Variants in FGF14 observed in about 807,000 individuals in gnomAD.
FGF14 encodes fibroblast growth factor homologous factor 4.
In FGF14, 5 loss-of-function variants were observed where a neutral mutation model predicts 25.5. The observed-to-expected ratio is 0.20, with a 90% CI of 0.10 to 0.41. FGF14 has a LOEUF of 0.41. Ranked by LOEUF, FGF14 falls within the 10% of genes least tolerant of loss-of-function variation. The pLI is 1.00. For synonymous variants in FGF14, 138 were observed against 118.3 expected (o/e 1.17, Z -1.08); for missense variants, 222 against 320.1 (o/e 0.69, Z 2.34).
intron 1 of FGF14, among the ~76,000 whole-genome samples, chr13:102,327,289 G>T (rs748849240): frequency 6.6e-6 from 1 of 152,140 alleles, no homozygotes; most frequent in African/African-American, 2.4e-5. Context: ...AGGATCCAAG[G>T]TGACTTGGCA....
intron 1 of FGF14, among the ~76,000 whole-genome samples, chr13:102,201,946 G>A (rs2049673398): frequency 6.6e-6 from 1 of 152,136 alleles, no homozygotes; most frequent in African/African-American, 2.4e-5. Context: ...CCTGGTGGGA[G>A]GTGATGGGAT....
chr13:101,817,635 G>T (rs984553309), intron 3 of FGF14, among the ~76,000 whole-genome samples: 24 of 151,966 alleles, frequency 1.6e-4, no homozygotes, highest in African/African-American at 5.6e-4. Context: ...CCTTTAACTG[G>T]TGAAAAGTTG....
At chr13:102,321,118 C>T (rs1015375316) in intron 1 of FGF14, among the ~76,000 whole-genome samples, 1 of 152,238 alleles carries the variant, frequency 6.6e-6, no homozygotes. Flanking sequence ...GAGGCCAGAC[C>T]ACAGTGTCTC....
At chr13:101,910,644 C>A (rs564459481) in intron 1 of FGF14, among the ~76,000 whole-genome samples, 2 of 152,094 alleles carry the variant, frequency 1.3e-5, no homozygotes, top group East Asian at 3.9e-4. Context: ...TGCATTTCTA[C>A]GCATGCCTAC....
intron 1 of FGF14, among the ~76,000 whole-genome samples, chr13:102,075,394 A>G (rs2043318440): frequency 6.6e-6 from 1 of 152,198 alleles, no homozygotes; most frequent in South Asian, 2.1e-4. Flanking sequence ...CATACAAGAC[A>G]GTGGCCCTAT....
intron 1 of FGF14, among the ~76,000 whole-genome samples, chr13:102,392,780 T>C (rs1391685066): frequency 1.3e-5 from 2 of 152,202 alleles, no homozygotes; most frequent in Non-Finnish European, 2.9e-5. Context: ...TCCTCTCTAG[T>C]GCCTGTCACT....
At chr13:101,751,322 G>A (rs61965129) in intron 3 of FGF14, among the ~76,000 whole-genome samples, 1 of 152,058 alleles carries the variant, frequency 6.6e-6, no homozygotes, top group Non-Finnish European at 1.5e-5. Context: ...TTATGGGAAC[G>A]CTCTACTTAC....
At chr13:102,072,052 G>C (rs2043175901) in intron 1 of FGF14, among the ~76,000 whole-genome samples, 1 of 152,208 alleles carries the variant, frequency 6.6e-6, no homozygotes, top group African/African-American at 2.4e-5. Flanking sequence ...CATGAAAATT[G>C]AGAGGCAGAG....
At chr13:102,312,222 C>CAAAAAAAAAAA (rs34575465) in intron 1 of FGF14, among the ~76,000 whole-genome samples, 1 of 96,962 alleles carries the variant, frequency 1.0e-5, no homozygotes, top group Non-Finnish European at 2.3e-5. Flanking sequence ...AGACCTAAAC[C>CAAAAAAAAAAA]AAAAAAAAAA....
chr13:101,854,961 A>G (rs991960619), intron 3 of FGF14, among the ~76,000 whole-genome samples: 2 of 152,056 alleles, frequency 1.3e-5, no homozygotes, highest in African/African-American at 4.8e-5. Flanking sequence ...AGTACATATC[A>G]GAATACCAAA....
intron 1 of FGF14, among the ~76,000 whole-genome samples, chr13:102,364,581 A>T (rs1346830755): frequency 6.6e-6 from 1 of 152,218 alleles, no homozygotes; most frequent in East Asian, 1.9e-4. Flanking sequence ...TTCTCAATAG[A>T]CATTTCTATA....
At chr13:101,811,696 G>A (rs1417075617) in intron 3 of FGF14, among the ~76,000 whole-genome samples, 1 of 152,156 alleles carries the variant, frequency 6.6e-6, no homozygotes, top group African/African-American at 2.4e-5. Context: ...CTGCCAAGTT[G>A]TCTTTCAAAT....
chr13:102,352,456 A>C (rs1012533170), intron 1 of FGF14, among the ~76,000 whole-genome samples: 10 of 152,146 alleles, frequency 6.6e-5, no homozygotes, highest in Non-Finnish European at 1.0e-4. Context: ...ACATTTACTC[A>C]AACACCAGGA....
chr13:102,055,377 ATC>A (rs1307657091), intron 1 of FGF14, among the ~76,000 whole-genome samples: 6 of 152,144 alleles, frequency 3.9e-5, no homozygotes, highest in African/African-American at 1.4e-4. Context: ...AGAGGGATTA[ATC>A]TCTGTCTCTT....
intron 3 of FGF14, among the ~76,000 whole-genome samples, chr13:101,807,645 CCA>C (rs2041276319): frequency 6.6e-6 from 1 of 151,884 alleles, no homozygotes; most frequent in East Asian, 1.9e-4. Context: ...GACCCTTAGG[CCA>C]GGGAAAATAA....
intron 1 of FGF14, among the ~76,000 whole-genome samples, chr13:101,963,098 T>C (rs1776318844): frequency 6.6e-6 from 1 of 152,216 alleles, no homozygotes; most frequent in African/African-American, 2.4e-5. Flanking sequence ...TGCCATTCAA[T>C]CCTGTTCACT....
intron 1 of FGF14, among the ~76,000 whole-genome samples, chr13:102,088,229 A>G (rs530321944): frequency 1.3e-5 from 2 of 152,346 alleles, no homozygotes; most frequent in South Asian, 4.1e-4. Context: ...TCAGTCAGAG[A>G]CTAAGTTGCT....
intron 1 of FGF14, among the ~76,000 whole-genome samples, chr13:102,334,976 G>A (rs562054691): frequency 3.3e-5 from 5 of 152,070 alleles, no homozygotes; most frequent in Non-Finnish European, 7.4e-5. Flanking sequence ...TCACTGACTA[G>A]AAGCCACATC....
intron 1 of FGF14, among the ~76,000 whole-genome samples, chr13:102,318,296 T>C (rs1480511843): frequency 6.6e-6 from 1 of 151,914 alleles, no homozygotes; most frequent in African/African-American, 2.4e-5. Context: ...CAGCAGGGGG[T>C]CCCAACTGCG....
Sources: allele counts gnomAD v4.1 joint callset (sites outside exome capture counted in the v4.1 genomes callset), GRCh38; gene constraint gnomAD v4.1.1; transcripts MANE v1.5; gene names NCBI Gene and HGNC (gene_info 2026-07-23, HGNC 2026-07-21).